The following STMP1 variants were observed in gnomAD, a reference collection of about 807,000 sequenced individuals.
STMP1 encodes mitolamban.
Under a neutral mutation model 7.0 loss-of-function variants are expected in STMP1, and 7 were observed. The ratio of observed to expected loss-of-function variants is 1.01; its 90% CI spans 0.57 to 1.89. The LOEUF (loss-of-function observed/expected upper bound fraction) is 1.89, where lower values mean the gene tolerates loss of function less well. Among genes scored for constraint, STMP1 ranks in the 40% most tolerant of loss-of-function variants. The probability of loss-of-function intolerance (pLI) is 0.00; values close to 1 mark genes in which losing one functional copy is unlikely to be tolerated. For missense variants in STMP1, 45 were observed against 53.0 expected, an observed-to-expected ratio of 0.85 and a Z score of 0.47; for synonymous variants, 19 against 18.4, an observed-to-expected ratio of 1.03 and a Z score of -0.08.
Position 135,674,176 on chromosome 7 carries a change from A to G in STMP1, c.*11A>G. ...CCCCCTAGTGCATGAGACTGCCTCCAGCACTGCCTTCAGGATATACTGATT... is the reference window on the plus strand; with the variant it reads ...CCCCCTAGTGCATGAGACTGCCTCCGGCACTGCCTTCAGGATATACTGATT... On this transcript the variant is annotated 3_prime_UTR_variant, in exon 3 of 3. Coordinates refer to ENST00000507606, the MANE Select transcript of STMP1 (RefSeq NM_001130929.2). 2 of 1,537,670 alleles carry G rather than the reference A, an allele frequency of 1.3e-6. No homozygotes were observed. The highest frequency in any genetic ancestry group is 2.4e-5 in the South Asian group (2 of 82,554).
chr7:135,664,426 G>A (rs1235919302), intron 1 of STMP1, among the ~76,000 whole-genome samples: 5 of 145,804 alleles, frequency 3.4e-5, no homozygotes, highest in Non-Finnish European at 4.5e-5. Context: ...TCATGGCTCA[G>A]TGCAGTCTTT....
At chr7:135,667,198 T>A (rs769853123) in intron 1 of STMP1, among the ~76,000 whole-genome samples, 2 of 152,244 alleles carry the variant, frequency 1.3e-5, no homozygotes, top group South Asian at 2.1e-4. Flanking sequence ...TGTCCATTTT[T>A]ATTTTTGTTT....
At chr7:135,664,757 G>T (rs996791136) in intron 1 of STMP1, among the ~76,000 whole-genome samples, 1 of 151,956 alleles carries the variant, frequency 6.6e-6, no homozygotes, top group African/African-American at 2.4e-5. Context: ...TAAATAAGTG[G>T]ATAGCATTAC....
At chr7:135,669,804 A>G (rs78741491) in intron 1 of STMP1, among the ~76,000 whole-genome samples, 3 of 152,386 alleles carry the variant, frequency 2.0e-5, no homozygotes, top group East Asian at 1.9e-4. Flanking sequence ...TATTCACACT[A>G]AAGTGTGATA....
At chr7:135,672,347 A>G (rs1488877437) in intron 1 of STMP1, among the ~76,000 whole-genome samples, 2 of 152,250 alleles carry the variant, frequency 1.3e-5, no homozygotes, top group African/African-American at 4.8e-5. Context: ...TCCATAACCA[A>G]AAAAAGACAA....
Position 135,663,866 on chromosome 7 carries a change from G to T in STMP1, c.15+1272G>T, listed in dbSNP as rs757453387. Among the ~76,000 whole-genome samples, 4 of 151,824 alleles carry T rather than the reference G, an allele frequency of 2.6e-5. No individual in the cohort carries two copies. The East Asian group carries it at 5.8e-4, about 22-fold the overall frequency. On this transcript the variant is annotated intron_variant, in intron 1 of 2. Coordinates refer to ENST00000507606, the MANE Select transcript of STMP1 (RefSeq NM_001130929.2). ...TCACCCCGTTGGCCGGGATGGTCTC[G>T]ATCTCCTGACCTCGGGATCTGCCTG... is the stretch of plus-strand genomic sequence containing the variant.
rs1016530859 is a variant in STMP1 at position 135,675,620 on chromosome 7, A to T, written c.*1455A>T. ...AAAGTATAATTTAGACTAAATACAA[A>T]TACCCATTTCGCTAGCTGTTTTGTT... is the stretch of plus-strand genomic sequence containing the variant. On this transcript the variant is annotated 3_prime_UTR_variant, in exon 3 of 3. Transcript: ENST00000507606. 2 of 152,222 alleles carry T rather than the reference A, an allele frequency of 1.3e-5. No individual in the cohort carries two copies. Among genetic ancestry groups the T allele is most frequent in the Admixed American group, 1.3e-4 (2 of 15,282 alleles). 9.4% of individuals were successfully genotyped at this position (152,222 alleles called of 1,614,324 possible).
At position 135,674,068 on chromosome 7, in the gene STMP1, A is replaced by G. The variant is rs754979885; in HGVS notation, c.70-23A>G. ...ATTGATTAGGTAGATGCAAAATTATAATAACCTTTTTTCTCTTCAAAGATA... is the reference window on the plus strand; with the variant it reads ...ATTGATTAGGTAGATGCAAAATTATGATAACCTTTTTTCTCTTCAAAGATA... On this transcript the variant is annotated intron_variant, in intron 2 of 2. Coordinates refer to ENST00000507606, the MANE Select transcript of STMP1 (RefSeq NM_001130929.2). 4 of 1,494,050 alleles carry G rather than the reference A, an allele frequency of 2.7e-6. No homozygotes were observed. The Admixed American group carries it at 6.4e-5, about 24-fold the overall frequency. 92.5% of individuals were successfully genotyped at this position (1,494,050 alleles called of 1,614,324 possible).
At chr7:135,666,342 T>A (rs565416389) in intron 1 of STMP1, among the ~76,000 whole-genome samples, 1 of 151,686 alleles carries the variant, frequency 6.6e-6, no homozygotes, top group South Asian at 2.1e-4. Flanking sequence ...TTTACACTAT[T>A]ATGTCTTTGT....
chr7:135,668,654 T>G (rs1795323257), intron 1 of STMP1, among the ~76,000 whole-genome samples: 1 of 152,236 alleles, frequency 6.6e-6, no homozygotes, highest in African/African-American at 2.4e-5. Flanking sequence ...TCCTCTCACC[T>G]TGTCTTCCCA....
At chr7:135,662,649 C>T (rs1554471374) in intron 1 of STMP1, 55 bp downstream of exon 1, 8 of 1,535,150 alleles carry the variant, frequency 5.2e-6, no homozygotes, top group Non-Finnish European at 7.0e-6. Flanking sequence ...CCTCGGACCC[C>T]ATTTCCCCCT....
Position 135,674,271 on chromosome 7 carries a change from T to C in STMP1, c.*106T>C. ...TTGTTTTCGTCTCCAGCCTCAGCAC[T>C]TCTCTTCTTTGCTAGACCCTGTGTT... is the stretch of plus-strand genomic sequence containing the variant. On this transcript the variant is annotated 3_prime_UTR_variant, in exon 3 of 3. Transcript: ENST00000507606. 1.1e-6 allele frequency: 1 copy of C among 890,344 alleles called. No individual in the cohort carries two copies. The highest frequency in any genetic ancestry group is 1.7e-6 in the Non-Finnish European group (1 of 588,716). 55.2% of individuals were successfully genotyped at this position (890,344 alleles called of 1,614,324 possible). A position where few individuals can be genotyped will look rare whatever the true frequency, so the allele number is the denominator to read the frequency against.
rs746295067 is a variant in STMP1 at position 135,674,479 on chromosome 7, A to G, written c.*314A>G. 1.9e-4 allele frequency: 47 copies of G among 241,588 alleles called. No individual in the cohort carries two copies. Among genetic ancestry groups the G allele is most frequent in the Non-Finnish European group, 3.2e-4 (41 of 127,020 alleles). 15.0% of individuals were successfully genotyped at this position (241,588 alleles called of 1,614,324 possible). A position where few individuals can be genotyped will look rare whatever the true frequency, so the allele number is the denominator to read the frequency against. On this transcript the variant is annotated 3_prime_UTR_variant, in exon 3 of 3. Transcript: ENST00000507606. ...GTCTTCTTTATCGTTTGCGATTTTT[A>G]CTACCTTTTTTCAAAAGAAAAATTG...
chr7:135,666,005 G>A (rs763973512), intron 1 of STMP1, among the ~76,000 whole-genome samples: 21 of 151,490 alleles, frequency 1.4e-4, no homozygotes, highest in Non-Finnish European at 2.5e-4. Context: ...GGGTTCAAGC[G>A]ATTCTCCTGC....
At chr7:135,662,873 C>T (rs922363481) in intron 1 of STMP1, among the ~76,000 whole-genome samples, 2 of 152,238 alleles carry the variant, frequency 1.3e-5, no homozygotes, top group African/African-American at 4.8e-5. Context: ...TGCCGCGCCC[C>T]GCGCTCATTG....
At chr7:135,668,796 C>T (rs569648946) in intron 1 of STMP1, among the ~76,000 whole-genome samples, 14 of 152,330 alleles carry the variant, frequency 9.2e-5, no homozygotes, top group African/African-American at 3.4e-4. Flanking sequence ...CTTTTCCAGT[C>T]AGGCCTGTTT....
chr7:135,662,658 C>T, intron 1 of STMP1, 64 bp downstream of exon 1: 3 of 1,520,062 alleles, frequency 2.0e-6, no homozygotes, highest in Middle Eastern at 1.7e-4. Flanking sequence ...CCATTTCCCC[C>T]TTGAGGATTG....
At chr7:135,663,774 C>T (rs1795262241) in intron 1 of STMP1, among the ~76,000 whole-genome samples, 1 of 152,236 alleles carries the variant, frequency 6.6e-6, no homozygotes, top group Admixed American at 6.5e-5. Context: ...CCTGCCTCAG[C>T]CTCCCGAGTA....
rs1290995305 is a variant in STMP1, at chr7:135,675,712, A to G, written c.*1547A>G. On this transcript the variant is annotated 3_prime_UTR_variant, in exon 3 of 3. Coordinates refer to ENST00000507606, the MANE Select transcript of STMP1 (RefSeq NM_001130929.2). ...TGAAGACATGGCAGGTTCAGAATCA[A>G]TAAACTGGAAGAATTGTTCAGAGCA... 1 of 152,216 alleles carries G rather than the reference A, an allele frequency of 6.6e-6. No homozygotes were observed. The highest frequency in any genetic ancestry group is 2.4e-5 in the African/African-American group (1 of 41,450). 9.4% of individuals were successfully genotyped at this position (152,216 alleles called of 1,614,324 possible). A position where few individuals can be genotyped will look rare whatever the true frequency, so the allele number is the denominator to read the frequency against.
Sources: allele counts gnomAD v4.1 joint callset (sites outside exome capture counted in the v4.1 genomes callset), GRCh38; gene constraint gnomAD v4.1.1; transcripts MANE v1.5; gene names NCBI Gene and HGNC (gene_info 2026-07-23, HGNC 2026-07-21).